The following SEC24A variants were observed in gnomAD, a reference collection of about 807,000 sequenced individuals.
SEC24A encodes protein transport protein Sec24A.
A neutral mutation model predicts 129.4 loss-of-function variants in SEC24A; 93 were observed. The observed-to-expected ratio is 0.72, with a 90% CI of 0.61 to 0.85. The LOEUF (loss-of-function observed/expected upper bound fraction) is 0.85, where lower values mean the gene tolerates loss of function less well. Ranked by LOEUF, SEC24A falls within the 40% of genes least tolerant of loss-of-function variation. The pLI, the probability that SEC24A is intolerant of heterozygous loss-of-function variation, is 0.00. For missense variants in SEC24A, 1,264 were observed against 1,307.4 expected, an observed-to-expected ratio of 0.97 and a Z score of 0.51; for synonymous variants, 460 against 467.3, an observed-to-expected ratio of 0.98 and a Z score of 0.20.
intron 1 of SEC24A, among the ~76,000 whole-genome samples, chr5:134,659,704 G>C (rs1417920110): frequency 2.7e-5 from 4 of 149,944 alleles, no homozygotes; most frequent in Non-Finnish European, 5.9e-5. Context: ...ACAGAGGCTG[G>C]AGTGCAGTGG....
chr5:134,689,880 G>C (rs1263076877), intron 11 of SEC24A, among the ~76,000 whole-genome samples: 1 of 151,598 alleles, frequency 6.6e-6, no homozygotes, highest in Non-Finnish European at 1.5e-5. Context: ...AGTGAAATAA[G>C]CAAGACACAA....
intron 17 of SEC24A, among the ~76,000 whole-genome samples, chr5:134,707,194 T>G (rs1348026870): frequency 6.6e-6 from 1 of 152,176 alleles, no homozygotes; most frequent in Non-Finnish European, 1.5e-5. Context: ...AGTTACCCAC[T>G]TTCTTGAATT....
chr5:134,709,262 A>T (rs574518697), intron 18 of SEC24A, among the ~76,000 whole-genome samples: 1 of 152,166 alleles, frequency 6.6e-6, no homozygotes, highest in Non-Finnish European at 1.5e-5. Flanking sequence ...AAAAGGCAAA[A>T]TTTTTATCCT....
chr5:134,696,653 C>T (rs2150099845), intron 13 of SEC24A, among the ~76,000 whole-genome samples: 1 of 152,244 alleles, frequency 6.6e-6, no homozygotes, highest in Admixed American at 6.6e-5. Flanking sequence ...CACCTGCAAC[C>T]ATGCCTGGCT....
intron 18 of SEC24A, among the ~76,000 whole-genome samples, chr5:134,713,548 A>G (rs1051947021): frequency 1.3e-5 from 2 of 152,154 alleles, no homozygotes; most frequent in African/African-American, 4.8e-5. Flanking sequence ...AACAGTTCCT[A>G]GTATATAATA....
At chr5:134,674,122 G>A (rs1750970097) in intron 4 of SEC24A, among the ~76,000 whole-genome samples, 1 of 151,932 alleles carries the variant, frequency 6.6e-6, no homozygotes, top group African/African-American at 2.4e-5. Context: ...GACAGAGTGA[G>A]ACTCCATCTC....
intron 21 of SEC24A, among the ~76,000 whole-genome samples, chr5:134,721,767 G>A (rs542951731): frequency 5.3e-5 from 8 of 152,144 alleles, no homozygotes; most frequent in Non-Finnish European, 8.8e-5. Flanking sequence ...AGCTACTTAC[G>A]AGGCTGAAAT....
chr5:134,689,737 C>A (rs1751573214), intron 11 of SEC24A, among the ~76,000 whole-genome samples: 1 of 150,670 alleles, frequency 6.6e-6, no homozygotes, highest in Non-Finnish European at 1.5e-5. Context: ...GCACTCCAGC[C>A]TGGACGACAG....
intron 17 of SEC24A, among the ~76,000 whole-genome samples, chr5:134,707,191 C>T (rs923176470): frequency 6.6e-6 from 1 of 152,164 alleles, no homozygotes; most frequent in Non-Finnish European, 1.5e-5. Context: ...AATAGTTACC[C>T]ACTTTCTTGA....
intron 14 of SEC24A, 34 bp from the exon 15 acceptor site, chr5:134,697,865 G>A (rs748926088): frequency 7.0e-6 from 11 of 1,574,610 alleles, no homozygotes; most frequent in Admixed American, 1.9e-5. Flanking sequence ...AATAGTTAAC[G>A]GCACAGTTTA....
intron 17 of SEC24A, among the ~76,000 whole-genome samples, 154 bp downstream of exon 17, chr5:134,705,591 GATA>G (rs1381495110): frequency 6.6e-6 from 1 of 152,144 alleles, no homozygotes; most frequent in African/African-American, 2.4e-5. Flanking sequence ...ATCTGCTGCA[GATA>G]ATCTTATCTT....
chr5:134,650,181 G>GGGCAGAA (rs759089180), intron 1 of SEC24A, among the ~76,000 whole-genome samples: 14 of 152,094 alleles, frequency 9.2e-5, no homozygotes, highest in Non-Finnish European at 1.6e-4. Context: ...GCAACTATGT[G>GGGCAGAA]GGCAGAAGAA....
At chr5:134,681,768 A>G (rs566853048) in intron 8 of SEC24A, among the ~76,000 whole-genome samples, 4 of 152,276 alleles carry the variant, frequency 2.6e-5, no homozygotes, top group East Asian at 1.9e-4. Context: ...CCACTAGTGT[A>G]TTATAAGTGG....
At chr5:134,652,956 G>T (rs1444677839) in intron 1 of SEC24A, among the ~76,000 whole-genome samples, 2 of 151,604 alleles carry the variant, frequency 1.3e-5, no homozygotes, top group Non-Finnish European at 2.9e-5. Flanking sequence ...CACCACACCC[G>T]GCTAATTTTT....
intron 15 of SEC24A, among the ~76,000 whole-genome samples, chr5:134,700,155 G>C (rs1751962253): frequency 6.6e-6 from 1 of 151,782 alleles, no homozygotes; most frequent in African/African-American, 2.4e-5. Context: ...CACAGATTGA[G>C]TTTTTATTTA....
chr5:134,696,505 T>C (rs920405507), intron 13 of SEC24A, among the ~76,000 whole-genome samples: 60 of 152,030 alleles, frequency 3.9e-4, no homozygotes, highest in Admixed American at 3.6e-3. Flanking sequence ...AAAAAACATA[T>C]ATATATTTTT....
At position 134,661,331 on chromosome 5, in the gene SEC24A, C is replaced by G. The variant is rs1219516127; in HGVS notation, c.310C>G (p.Pro104Ala). 6.2e-7 allele frequency: 1 copy of G among 1,614,048 alleles called. No individual in the cohort carries two copies. The highest frequency in any genetic ancestry group is 1.3e-5 in the African/African-American group (1 of 74,920). ...NPVTPSLHSGPAPRMPLPASQ... is the reference protein window; with the variant it reads ...NPVTPSLHSGAAPRMPLPASQ... ...AGTGACACCTTCGCTTCATAGTGGT[C>G]CTGCTCCCCGAATGCCATTACCTGC... is the stretch of plus-strand genomic sequence containing the variant. Residue 104 changes from proline (P) to alanine (A), a missense_variant, in exon 2 of 23, where the codon CCT (proline) becomes GCT (alanine). Pro to Ala is a conservative substitution (Grantham distance 27, BLOSUM62 -1). Transcript: ENST00000398844.
chr5:134,714,351 G>A (rs1421526650), intron 18 of SEC24A, among the ~76,000 whole-genome samples: 1 of 152,178 alleles, frequency 6.6e-6, no homozygotes, highest in Non-Finnish European at 1.5e-5. Context: ...GAGCCACACA[G>A]CAGGAGGTGA....
At chr5:134,691,742 C>T (rs1751662009) in intron 11 of SEC24A, among the ~76,000 whole-genome samples, 1 of 152,076 alleles carries the variant, frequency 6.6e-6, no homozygotes, top group African/African-American at 2.4e-5. Context: ...GCGTCGGCCT[C>T]CCAAAGTACT....
Sources: gnomAD v4.1 joint callset for allele counts (sites outside exome capture counted in the v4.1 genomes callset) on GRCh38, gnomAD v4.1.1 for gene constraint, MANE v1.5 for transcripts, NCBI Gene and HGNC (gene_info 2026-07-23, HGNC 2026-07-21) for gene names.